RBFOX1: variants seen among roughly 807,000 people sequenced by gnomAD.
RBFOX1 encodes the protein RNA binding protein fox-1 homolog 1.
A neutral mutation model predicts 57.7 loss-of-function variants in RBFOX1; 8 were observed. The observed-to-expected ratio is 0.14, with a 90% CI of 0.08 to 0.25. RBFOX1 has a LOEUF of 0.25. Among genes scored for constraint, RBFOX1 ranks in the 10% least tolerant of loss-of-function variants. RBFOX1 has a pLI of 1.00. For missense variants in RBFOX1, 611 were observed against 548.5 expected (o/e 1.11, Z -1.14); for synonymous variants, 326 against 222.4 (o/e 1.47, Z -4.15).
At chr16:7,469,224 T>TA (rs2061098770) in intron 4 of RBFOX1, among the ~76,000 whole-genome samples, 1 of 107,822 alleles carries the variant, frequency 9.3e-6, no homozygotes, top group Admixed American at 1.0e-4. Flanking sequence ...GTGAGCCACC[T>TA]AATTTTTTTT....
At chr16:6,332,341 A>G (rs929879444) in intron 2 of RBFOX1, among the ~76,000 whole-genome samples, 5 of 152,238 alleles carry the variant, frequency 3.3e-5, no homozygotes, top group Non-Finnish European at 7.3e-5. Flanking sequence ...GGTGGGAAAA[A>G]ATAATGGTAA....
intron 4 of RBFOX1, among the ~76,000 whole-genome samples, chr16:7,146,884 G>A (rs2075085318): frequency 6.7e-6 from 1 of 148,874 alleles, no homozygotes; most frequent in African/African-American, 2.5e-5. Context: ...AGGAGGTCGA[G>A]GTTGCAGTGA....
chr16:7,249,208 G>A (rs2094422741), intron 4 of RBFOX1, among the ~76,000 whole-genome samples: 1 of 152,198 alleles, frequency 6.6e-6, no homozygotes, highest in African/African-American at 2.4e-5. Context: ...ATTTTTAAAT[G>A]TTTTTGCAAG....
chr16:6,675,541 C>T (rs955699803), intron 3 of RBFOX1, among the ~76,000 whole-genome samples: 2 of 152,164 alleles, frequency 1.3e-5, no homozygotes, highest in African/African-American at 4.8e-5. Context: ...CCACAGTAGG[C>T]ATGGTGTGTT....
At chr16:5,511,766 T>A (rs1160332291) in intron 2 of RBFOX1, among the ~76,000 whole-genome samples, 1 of 152,190 alleles carries the variant, frequency 6.6e-6, no homozygotes, top group Non-Finnish European at 1.5e-5. Flanking sequence ...CTATTCACCA[T>A]GTGATGCTTT....
At chr16:5,519,234 C>A (rs555929434) in intron 2 of RBFOX1, among the ~76,000 whole-genome samples, 1 of 152,280 alleles carries the variant, frequency 6.6e-6, no homozygotes, top group African/African-American at 2.4e-5. Context: ...GTGAAATTGG[C>A]AAGTTTTGAG....
chr16:6,900,274 G>C (rs7194386), intron 3 of RBFOX1, among the ~76,000 whole-genome samples: 81,238 of 152,034 alleles, frequency 0.53, 23,837 homozygotes, highest in African/African-American at 0.8. Flanking sequence ...GTCAATATGT[G>C]TATTTCTCTG....
At chr16:6,972,660 G>A (rs1449831720) in intron 3 of RBFOX1, among the ~76,000 whole-genome samples, 2 of 152,048 alleles carry the variant, frequency 1.3e-5, no homozygotes, top group Admixed American at 6.6e-5. Flanking sequence ...AAATGCTTTG[G>A]GGACAGACAA....
chr16:6,212,558 T>C, intron 1 of RBFOX1, among the ~76,000 whole-genome samples: 1 of 151,946 alleles, frequency 6.6e-6, no homozygotes, highest in Non-Finnish European at 1.5e-5. Context: ...ATACAAAAAA[T>C]TAGTTGGGCA....
chr16:6,994,953 G>GTC (rs2092036538), intron 3 of RBFOX1, among the ~76,000 whole-genome samples: 1 of 151,756 alleles, frequency 6.6e-6, no homozygotes, highest in Non-Finnish European at 1.5e-5. Context: ...TTTTGTGTGT[G>GTC]TGTGTGTGTG....
intron 3 of RBFOX1, among the ~76,000 whole-genome samples, chr16:6,824,092 A>G: frequency 6.6e-6 from 1 of 152,218 alleles, no homozygotes; most frequent in East Asian, 1.9e-4. Context: ...GGAATGGTGA[A>G]GAGGAGTTTC....
chr16:5,528,676 C>T (rs1286101769), intron 2 of RBFOX1, among the ~76,000 whole-genome samples: 8 of 148,228 alleles, frequency 5.4e-5, no homozygotes, highest in Non-Finnish European at 7.4e-5. Flanking sequence ...TGTCCTCTTT[C>T]TCTCACTCTG....
intron 4 of RBFOX1, among the ~76,000 whole-genome samples, chr16:6,009,476 G>GACTT (rs1440777256): frequency 6.6e-6 from 1 of 152,124 alleles, no homozygotes; most frequent in African/African-American, 2.4e-5. Context: ...TGGCTCCAGG[G>GACTT]ACTTAGAAAT....
chr16:7,378,604 G>C (rs183667486), intron 4 of RBFOX1, among the ~76,000 whole-genome samples: 138 of 152,280 alleles, frequency 9.1e-4, no homozygotes, highest in Admixed American at 3.0e-3. Context: ...AGAAGCATTA[G>C]GCACATTGTT....
chr16:7,632,403 A>G (rs139695775), intron 11 of RBFOX1, among the ~76,000 whole-genome samples: 80 of 152,270 alleles, frequency 5.3e-4, no homozygotes, highest in African/African-American at 1.9e-3. Context: ...TAATGTTACT[A>G]CACATTTTCA....
chr16:6,979,256 A>G (rs533646929), intron 3 of RBFOX1, among the ~76,000 whole-genome samples: 1 of 152,286 alleles, frequency 6.6e-6, no homozygotes, highest in African/African-American at 2.4e-5. Flanking sequence ...ATACAGTTAA[A>G]TAGTAAAAAC....
intron 2 of RBFOX1, among the ~76,000 whole-genome samples, chr16:6,601,684 G>C (rs1245389832): frequency 6.6e-6 from 1 of 152,120 alleles, no homozygotes; most frequent in South Asian, 2.1e-4. Context: ...TAAGAGGTCA[G>C]ATCTGTAGGA....
At chr16:5,776,619 G>C (rs1179617461) in intron 3 of RBFOX1, among the ~76,000 whole-genome samples, 2 of 152,238 alleles carry the variant, frequency 1.3e-5, no homozygotes, top group African/African-American at 4.8e-5. Context: ...ATTGTCCACA[G>C]TGAGCCTTCA....
At chr16:6,786,817 A>G (rs1001348091) in intron 3 of RBFOX1, among the ~76,000 whole-genome samples, 1 of 152,178 alleles carries the variant, frequency 6.6e-6, no homozygotes, top group African/African-American at 2.4e-5. Flanking sequence ...TCATGGTCAC[A>G]ATTGACTAAA....
Sources: gnomAD v4.1 joint callset for allele counts (sites outside exome capture counted in the v4.1 genomes callset) on GRCh38, gnomAD v4.1.1 for gene constraint, MANE v1.5 for transcripts, NCBI Gene and HGNC (gene_info 2026-07-23, HGNC 2026-07-21) for gene names.